The following PHACTR3 variants were observed in gnomAD, a reference collection of about 807,000 sequenced individuals.
PHACTR3 encodes the protein protein phosphatase 1, regulatory subunit 123.
A neutral mutation model predicts 66.8 loss-of-function variants in PHACTR3; 16 were observed. The observed-to-expected ratio is 0.24, with a 90% confidence interval of 0.16 to 0.36. PHACTR3 has a LOEUF of 0.36. Ranked by LOEUF, PHACTR3 falls within the 10% of genes least tolerant of loss-of-function variation. The pLI, the probability that PHACTR3 is intolerant of heterozygous loss-of-function variation, is 1.00. For missense variants in PHACTR3, 647 were observed against 719.9 expected (o/e 0.90, Z 1.16); for synonymous variants, 323 against 292.1 (o/e 1.11, Z -1.08).
chr20:59,836,274 G>GC, intron 8 of PHACTR3: 1 of 508,906 alleles, frequency 2.0e-6, no homozygotes, highest in South Asian at 2.9e-5. Flanking sequence ...TGGAGCTGGA[G>GC]CAAGGACTAG....
intron 1 of PHACTR3, among the ~76,000 whole-genome samples, chr20:59,615,421 C>T (rs1046803844): frequency 1.3e-5 from 2 of 152,128 alleles, no homozygotes; most frequent in Non-Finnish European, 2.9e-5. Flanking sequence ...ATCGTGCATC[C>T]GGGAAGCTCA....
intron 1 of PHACTR3, among the ~76,000 whole-genome samples, chr20:59,643,351 T>G (rs575207380): frequency 2.0e-5 from 3 of 152,336 alleles, no homozygotes; most frequent in African/African-American, 7.2e-5. Flanking sequence ...ACTACTTTTG[T>G]GCCTGACTTC....
chr20:59,635,607 T>C (rs1231844526), intron 1 of PHACTR3, among the ~76,000 whole-genome samples: 1 of 152,228 alleles, frequency 6.6e-6, no homozygotes, highest in South Asian at 2.1e-4. Flanking sequence ...TACTCTTTTG[T>C]GTGAACTATT....
At chr20:59,843,629 T>C (rs531130439) in intron 11 of PHACTR3, 5 of 152,140 alleles carry the variant, frequency 3.3e-5, no homozygotes, top group Admixed American at 6.6e-5. Context: ...TGGATATCCA[T>C]ATGGCAAAAG....
intron 1 of PHACTR3, among the ~76,000 whole-genome samples, chr20:59,583,179 A>T (rs536089685): frequency 2.9e-4 from 44 of 152,336 alleles, no homozygotes; most frequent in African/African-American, 1.0e-3. Context: ...CGTGTGTGAA[A>T]GAACAGTATG....
rs138746351 is a variant in PHACTR3, at chr20:59,580,609, G to A, written c.109+2992G>A. On this transcript the variant is annotated intron_variant, in intron 1 of 12. Coordinates refer to the PHACTR3 transcript ENST00000359926. Reference sequence around the variant, plus strand: ...AAAATTTTTGTTTGAAGGGAAAGGCGTGATCAATGATATCATGACATGTCC... The same window carrying A: ...AAAATTTTTGTTTGAAGGGAAAGGCATGATCAATGATATCATGACATGTCC... Among the ~76,000 whole-genome samples, 9 of 151,892 alleles carry A rather than the reference G, an allele frequency of 5.9e-5. No homozygotes were observed. The East Asian group carries it at 9.7e-4, about 16-fold the overall frequency.
In PHACTR3 at chr20:59,767,210, G is replaced by A. The variant is rs762117641; in HGVS notation, c.566G>A (p.Gly189Asp). ...GCCAAGATGCCTTCTGCATCCAGTG[G>A]TGAAGAAGCAGACGCTGGCAGCCTC... ...DAAKMPSASS[G>D]EEADAGSLLP... Residue 189 changes from glycine (G) to aspartate (D), a missense_variant, in exon 5 of 13, where the codon GGT becomes GAT. Physicochemically the swap from Gly to Asp is moderately conservative, Grantham distance 94. Transcript: ENST00000371015. The A allele has an allele frequency of 1.8e-5, 29 of 1,614,120 alleles. No homozygotes were observed. The Admixed American group carries it at 4.3e-4, about 24-fold the overall frequency.
intron 1 of PHACTR3, among the ~76,000 whole-genome samples, chr20:59,714,127 G>C (rs1338336147): frequency 6.6e-6 from 1 of 151,966 alleles, no homozygotes; most frequent in African/African-American, 2.4e-5. Flanking sequence ...TATATATTCT[G>C]GATATGAGTC....
At chr20:59,811,302 A>T (rs1185820) in intron 8 of PHACTR3, among the ~76,000 whole-genome samples, 3 of 152,006 alleles carry the variant, frequency 2.0e-5, no homozygotes, top group Admixed American at 6.5e-5. Flanking sequence ...TCAGGGTATC[A>T]GCTGGCAACT....
In PHACTR3 at chr20:59,762,605, G is replaced by A. The variant is rs151040245; in HGVS notation, c.542-4581G>A. On this transcript the variant is annotated intron_variant, in intron 4 of 12. Transcript: ENST00000371015. ...ACTTTGCTGTGAAACAAGGGCAGAT[G>A]TAGTTTGGATTGGCTAGCCTTCCAG... Among the ~76,000 whole-genome samples, 250 of 152,320 alleles carry A rather than the reference G, an allele frequency of 1.6e-3. 1 individual carries two copies. The highest frequency in any genetic ancestry group is 5.7e-3 in the African/African-American group (239 of 41,576).
intron 9 of PHACTR3, among the ~76,000 whole-genome samples, chr20:59,839,837 C>G (rs1381313045): frequency 2.0e-5 from 3 of 152,156 alleles, no homozygotes; most frequent in African/African-American, 7.2e-5. Flanking sequence ...ATAGTCTGAA[C>G]ATATAAATTC....
At chr20:59,588,300 A>G (rs1231068799) in intron 1 of PHACTR3, among the ~76,000 whole-genome samples, 1 of 152,218 alleles carries the variant, frequency 6.6e-6, no homozygotes, top group Non-Finnish European at 1.5e-5. Flanking sequence ...ACCCGGTTGA[A>G]TATAGTTAAA....
chr20:59,813,542 A>G (rs2041800831), intron 8 of PHACTR3, among the ~76,000 whole-genome samples: 1 of 152,242 alleles, frequency 6.6e-6, no homozygotes, highest in Non-Finnish European at 1.5e-5. Flanking sequence ...GCTGGGGTGC[A>G]GAGATGAAAA....
At chr20:59,620,068 C>T (rs1459266336) in intron 1 of PHACTR3, among the ~76,000 whole-genome samples, 1 of 152,172 alleles carries the variant, frequency 6.6e-6, no homozygotes, top group Non-Finnish European at 1.5e-5. Context: ...TCACACTCAC[C>T]CTAAACCCGG....
chr20:59,756,687 T>A (rs565159571), intron 4 of PHACTR3, among the ~76,000 whole-genome samples: 45 of 151,970 alleles, frequency 3.0e-4, no homozygotes, highest in African/African-American at 9.9e-4. Flanking sequence ...TTTTTTTTTT[T>A]AATACTTTAA....
At chr20:59,661,369 G>A (rs911687558) in intron 1 of PHACTR3, among the ~76,000 whole-genome samples, 37 of 152,160 alleles carry the variant, frequency 2.4e-4, no homozygotes, top group African/African-American at 8.4e-4. Context: ...GGGAAGGGGG[G>A]AGCATGCACG....
intron 1 of PHACTR3, among the ~76,000 whole-genome samples, chr20:59,651,272 T>A (rs1432775391): frequency 6.6e-6 from 1 of 152,192 alleles, no homozygotes; most frequent in African/African-American, 2.4e-5. Flanking sequence ...CATTACATTT[T>A]CTAAAGTAGC....
chr20:59,631,173 A>G (rs2034647193), intron 1 of PHACTR3, among the ~76,000 whole-genome samples: 1 of 152,246 alleles, frequency 6.6e-6, no homozygotes, highest in African/African-American at 2.4e-5. Context: ...TCAGATGCCC[A>G]TCTTAGGGGC....
chr20:59,728,170 T>C (rs1475153153), intron 1 of PHACTR3, among the ~76,000 whole-genome samples: 3 of 152,048 alleles, frequency 2.0e-5, no homozygotes. Flanking sequence ...ATGCCCATTC[T>C]CCCCTCCCAC....
Sources: gnomAD v4.1 joint callset for allele counts (sites outside exome capture counted in the v4.1 genomes callset) on GRCh38, gnomAD v4.1.1 for gene constraint, MANE v1.5 for transcripts, NCBI Gene and HGNC (gene_info 2026-07-23, HGNC 2026-07-21) for gene names.